ENAH: variants seen among roughly 807,000 people sequenced by gnomAD.
ENAH encodes protein enabled homolog.
ENAH carries 23 observed loss-of-function variants against 78.7 expected under a neutral mutation model. The observed-to-expected ratio is 0.29, with a 90% CI of 0.21 to 0.41. ENAH has a LOEUF of 0.41. Ranked by LOEUF, ENAH falls within the 10% of genes least tolerant of loss-of-function variation. The pLI, the probability that ENAH is intolerant of heterozygous loss-of-function variation, is 1.00. For synonymous variants in ENAH, 226 were observed against 241.0 expected, an observed-to-expected ratio of 0.94 and a Z score of 0.58; for missense variants, 544 against 691.0, an observed-to-expected ratio of 0.79 and a Z score of 2.39.
chr1:225,542,623 T>G (rs2096594990), intron 3 of ENAH, among the ~76,000 whole-genome samples: 2 of 152,252 alleles, frequency 1.3e-5, no homozygotes, highest in Admixed American at 6.5e-5. Context: ...TTGTCCACAT[T>G]TACTTTTTGA....
rs896998549 is a variant in ENAH, at chr1:225,493,946, A to G, written c.*3829T>C. ...AGAGACATAAAAGTTGTAGCTAGGT[A>G]AATTTAAAAGATTATCATGTTACTT... On this transcript the variant is annotated 3_prime_UTR_variant, in exon 14 of 14. Coordinates refer to ENST00000366843, the MANE Select transcript of ENAH (RefSeq NM_018212.6). The G allele has an allele frequency of 1.3e-5, 2 of 151,760 alleles. No homozygotes were observed. Among genetic ancestry groups the G allele is most frequent in the Admixed American group, 1.3e-4 (2 of 15,190 alleles). 9.4% of individuals were successfully genotyped at this position (151,760 alleles called of 1,614,324 possible).
At chr1:225,572,792 G>T (rs1167557006) in intron 1 of ENAH, among the ~76,000 whole-genome samples, 1 of 152,130 alleles carries the variant, frequency 6.6e-6, no homozygotes, top group Middle Eastern at 3.2e-3. Flanking sequence ...TGAAGATCAG[G>T]CACTAAATTA....
intron 2 of ENAH, among the ~76,000 whole-genome samples, chr1:225,556,677 T>C (rs2096668708): frequency 6.6e-6 from 1 of 152,234 alleles, no homozygotes; most frequent in Non-Finnish European, 1.5e-5. Context: ...TGTAAGTTCT[T>C]CACTTTGATT....
chr1:225,521,830 C>G (rs905882387), intron 4 of ENAH, among the ~76,000 whole-genome samples: 3 of 151,986 alleles, frequency 2.0e-5, no homozygotes, highest in Admixed American at 1.3e-4. Context: ...GAGTCTTGCT[C>G]TGTCGCCCAG....
chr1:225,520,100 C>T (rs1283752814), intron 4 of ENAH, among the ~76,000 whole-genome samples: 1 of 151,990 alleles, frequency 6.6e-6, no homozygotes, highest in African/African-American at 2.4e-5. Flanking sequence ...TCGAGACTGG[C>T]CTGGCCAACA....
At position 225,554,519 on chromosome 1, in the gene ENAH, A is replaced by C. The variant is rs569607388; in HGVS notation, c.349+387T>G. 7.1e-4 allele frequency among the ~76,000 whole-genome samples: 108 copies of C among 152,320 alleles called. 1 individual carries two copies. The highest frequency in any genetic ancestry group is 2.4e-3 in the African/African-American group (101 of 41,568). On this transcript the variant is annotated intron_variant, in intron 3 of 13. Coordinates refer to ENST00000366843, the MANE Select transcript of ENAH (RefSeq NM_018212.6). ...TGCTTTGAAAAATGTCTTTCAGAAA[A>C]CATGTGTTTCTTTACACAAAGATGA...
intron 1 of ENAH, among the ~76,000 whole-genome samples, chr1:225,622,538 G>A (rs899958957): frequency 2.6e-5 from 4 of 152,112 alleles, no homozygotes; most frequent in African/African-American, 9.7e-5. Context: ...TTATAAACAT[G>A]AGTGTACTGC....
intron 1 of ENAH, among the ~76,000 whole-genome samples, chr1:225,590,249 C>T (rs1286465098): frequency 1.3e-5 from 2 of 151,900 alleles, no homozygotes; most frequent in East Asian, 3.9e-4. Context: ...TTTGGGAGAC[C>T]GAATCACTTG....
intron 1 of ENAH, among the ~76,000 whole-genome samples, chr1:225,632,972 C>G (rs1659369722): frequency 6.6e-6 from 1 of 151,980 alleles, no homozygotes; most frequent in Non-Finnish European, 1.5e-5. Flanking sequence ...GGCTTACGGA[C>G]TGGAAGACAT....
At chr1:225,636,148 G>A (rs1183458660) in intron 1 of ENAH, among the ~76,000 whole-genome samples, 2 of 152,222 alleles carry the variant, frequency 1.3e-5, no homozygotes, top group East Asian at 1.9e-4. Flanking sequence ...CAGGGGAAGA[G>A]TAGATGTGGA....
intron 1 of ENAH, among the ~76,000 whole-genome samples, chr1:225,601,447 G>C (rs1171781151): frequency 6.6e-6 from 1 of 151,862 alleles, no homozygotes; most frequent in Non-Finnish European, 1.5e-5. Context: ...GAACCTGGGA[G>C]GCGGGGCTTG....
At chr1:225,573,123 G>T (rs999370006) in intron 1 of ENAH, among the ~76,000 whole-genome samples, 1 of 152,164 alleles carries the variant, frequency 6.6e-6, no homozygotes, top group African/African-American at 2.4e-5. Flanking sequence ...ACTAAGGATT[G>T]CTAGGCTAGT....
chr1:225,555,690 G>C (rs2096663148), intron 2 of ENAH, among the ~76,000 whole-genome samples: 1 of 151,902 alleles, frequency 6.6e-6, no homozygotes, highest in Non-Finnish European at 1.5e-5. Context: ...CACAACCTAA[G>C]AGTGTATCTC....
At chr1:225,543,107 A>AAAACCC (rs2096597553) in intron 3 of ENAH, among the ~76,000 whole-genome samples, 1 of 152,214 alleles carries the variant, frequency 6.6e-6, no homozygotes, top group Non-Finnish European at 1.5e-5. Flanking sequence ...TAGTTATGCA[A>AAAACCC]AAACCCACTC....
chr1:225,510,381 T>C (rs2096367022), intron 10 of ENAH, among the ~76,000 whole-genome samples: 1 of 152,162 alleles, frequency 6.6e-6, no homozygotes, highest in African/African-American at 2.4e-5. Context: ...TCTATAGCTC[T>C]CATCATATTC....
chr1:225,555,541 C>G (rs2096662141), intron 2 of ENAH, among the ~76,000 whole-genome samples: 1 of 151,352 alleles, frequency 6.6e-6, no homozygotes, highest in South Asian at 2.1e-4. Context: ...AAGATCACAC[C>G]ACTGCACTCC....
chr1:225,612,589 T>C (rs1175187113), intron 1 of ENAH, among the ~76,000 whole-genome samples: 1 of 152,214 alleles, frequency 6.6e-6, no homozygotes. Flanking sequence ...AAATTTTATG[T>C]TATCTGCATT....
At chr1:225,591,617 T>C (rs2096876515) in intron 1 of ENAH, among the ~76,000 whole-genome samples, 1 of 150,330 alleles carries the variant, frequency 6.7e-6, no homozygotes, top group South Asian at 2.1e-4. Flanking sequence ...ATACAAAAAT[T>C]AGCCAGGCAT....
Position 225,519,562 on chromosome 1 carries a change from T to C in ENAH, c.438A>G (p.Gln146=), listed in dbSNP as rs1354492743. 2 of 1,581,064 alleles carry C rather than the reference T, an allele frequency of 1.3e-6. No individual in the cohort carries two copies. The highest frequency in any genetic ancestry group is 1.4e-5 in the African/African-American group (1 of 72,284). Residue 146 remains glutamine, a synonymous_variant, in exon 5 of 14, where the codon CAA becomes CAG. Coordinates refer to ENST00000366843, the MANE Select transcript of ENAH (RefSeq NM_018212.6). ...CCTTTTGCCGTTGCTGTTCTTGTAG[T>C]TGTCTGGAAAAAAAAAAAAAAAAGT... ...SQEELEIQRR[Q]LQEQQRQKEL... is the part of the protein sequence containing the mutation.
Sources: gnomAD v4.1 joint callset for allele counts (sites outside exome capture counted in the v4.1 genomes callset) on GRCh38, gnomAD v4.1.1 for gene constraint, MANE v1.5 for transcripts, NCBI Gene and HGNC (gene_info 2026-07-23, HGNC 2026-07-21) for gene names.